Variants in MTX2 observed in about 807,000 individuals in gnomAD.
The protein encoded by MTX2 is metaxin-2.
Under a neutral mutation model 42.3 loss-of-function variants are expected in MTX2, and 35 were observed. The observed-to-expected ratio is 0.83, with a 90% CI of 0.63 to 1.10. MTX2 has a LOEUF of 1.10. MTX2 is among the 50% of genes least tolerant of loss of function. The pLI is 0.00. For synonymous variants in MTX2, 119 were observed against 100.9 expected, an observed-to-expected ratio of 1.18 and a Z score of -1.08; for missense variants, 307 against 304.1, an observed-to-expected ratio of 1.01 and a Z score of -0.07.
At chr2:176,326,421 G>A (rs1165366559) in intron 4 of MTX2, among the ~76,000 whole-genome samples, 2 of 151,628 alleles carry the variant, frequency 1.3e-5, no homozygotes, top group East Asian at 3.9e-4. Flanking sequence ...AATATAGATT[G>A]ATTCACTGTA....
intron 1 of MTX2, among the ~76,000 whole-genome samples, chr2:176,288,706 A>G (rs759220171): frequency 4.0e-5 from 6 of 151,846 alleles, no homozygotes; most frequent in Non-Finnish European, 7.4e-5. Flanking sequence ...GATTGGAAAT[A>G]TGACAGAACT....
At chr2:176,311,212 T>A (rs1411022071) in intron 3 of MTX2, among the ~76,000 whole-genome samples, 1 of 152,206 alleles carries the variant, frequency 6.6e-6, no homozygotes, top group Non-Finnish European at 1.5e-5. Flanking sequence ...CCTGTTTGCC[T>A]GGGTATCACC....
chr2:176,311,377 G>T (rs766778870), intron 3 of MTX2, among the ~76,000 whole-genome samples: 11 of 152,194 alleles, frequency 7.2e-5, no homozygotes, highest in Admixed American at 2.6e-4. Flanking sequence ...ACTTGAAGAG[G>T]CATTGTGTCT....
chr2:176,300,469 C>T (rs1179296221), intron 3 of MTX2, among the ~76,000 whole-genome samples: 1 of 152,042 alleles, frequency 6.6e-6, no homozygotes, highest in Non-Finnish European at 1.5e-5. Context: ...AGTTCAAAAT[C>T]TGATGTGTAT....
intron 3 of MTX2, 75 bp from the exon 4 acceptor site, chr2:176,323,317 A>G (rs1039420879): frequency 8.2e-7 from 1 of 1,222,542 alleles, no homozygotes; most frequent in African/African-American, 1.5e-5. Flanking sequence ...AGTTTAGAAA[A>G]GAAATGCATA....
intron 1 of MTX2, among the ~76,000 whole-genome samples, chr2:176,276,256 A>T (rs1320249534): frequency 1.3e-5 from 2 of 152,208 alleles, no homozygotes; most frequent in Admixed American, 1.3e-4. Flanking sequence ...AGATATATAC[A>T]TTTGATATGC....
chr2:176,281,728 A>G lies in MTX2; in HGVS notation c.40+12059A>G, dbSNP rs1693080915. Among the ~76,000 whole-genome samples the G allele has an allele frequency of 2.0e-5, 3 of 152,110 alleles. No individual in the cohort carries two copies. The South Asian group carries it at 6.2e-4, about 32-fold the overall frequency. ...GTTTTTCTTAGATCTGGGAACCGAG[A>G]AGGCACACACATGACTGAATAGAGG... On this transcript the variant is annotated intron_variant, in intron 1 of 9. Transcript: ENST00000249442.
intron 3 of MTX2, among the ~76,000 whole-genome samples, chr2:176,299,712 A>G (rs1426500979): frequency 2.0e-5 from 3 of 152,114 alleles, no homozygotes; most frequent in African/African-American, 7.2e-5. Context: ...ATTTTCTTCT[A>G]TATAGTGGGC....
intron 3 of MTX2, among the ~76,000 whole-genome samples, chr2:176,312,889 GAAAGA>G (rs1388823318): frequency 2.2e-5 from 3 of 138,878 alleles, no homozygotes; most frequent in Admixed American, 7.1e-5. Context: ...AAAAAAGAAA[GAAAGA>G]AAAGTACTTT....
chr2:176,328,824 CT>C, intron 6 of MTX2, 49 bp from the exon 7 acceptor site: 1 of 1,552,652 alleles, frequency 6.4e-7, no homozygotes, highest in Non-Finnish European at 8.8e-7. Context: ...TTTCTTTATC[CT>C]TTTCCTCTTT....
chr2:176,331,816 G>A (rs1210346225), intron 9 of MTX2, among the ~76,000 whole-genome samples: 1 of 151,152 alleles, frequency 6.6e-6, no homozygotes, highest in Non-Finnish European at 1.5e-5. Context: ...TTCTAACAGA[G>A]GAATTCTTAG....
At chr2:176,309,578 G>T (rs992854186) in intron 3 of MTX2, among the ~76,000 whole-genome samples, 14 of 152,240 alleles carry the variant, frequency 9.2e-5, no homozygotes, top group Middle Eastern at 3.4e-3. Context: ...GGGTGCTCTT[G>T]TATTGGGTGC....
At chr2:176,297,312 A>C (rs896668429) in intron 2 of MTX2, among the ~76,000 whole-genome samples, 4 of 152,142 alleles carry the variant, frequency 2.6e-5, no homozygotes, top group African/African-American at 9.7e-5. Context: ...ATATCATCAG[A>C]TCACATTATG....
chr2:176,327,074 A>T (rs1324806902), intron 5 of MTX2, among the ~76,000 whole-genome samples, 173 bp downstream of exon 5: 4 of 129,678 alleles, frequency 3.1e-5, no homozygotes, highest in African/African-American at 1.0e-4. Context: ...ATGGCAAAAG[A>T]GGTAGCTTTT....
chr2:176,279,152 T>C (rs936497839), intron 1 of MTX2, among the ~76,000 whole-genome samples: 1 of 152,176 alleles, frequency 6.6e-6, no homozygotes, highest in Non-Finnish European at 1.5e-5. Context: ...CTCTAAGAAC[T>C]TGTATAAGCC....
At chr2:176,319,487 G>A (rs1684524078) in intron 3 of MTX2, among the ~76,000 whole-genome samples, 1 of 139,036 alleles carries the variant, frequency 7.2e-6, no homozygotes, top group African/African-American at 2.7e-5. Flanking sequence ...TTTAATTATT[G>A]GACTCAAGCT....
intron 2 of MTX2, 137 bp from the exon 3 acceptor site, chr2:176,297,706 AAATTAT>A (rs1350239365): frequency 6.7e-5 from 27 of 402,614 alleles, no homozygotes; most frequent in African/African-American, 1.9e-4. Context: ...AATTTAATCA[AAATTAT>A]AATTATATAT....
At chr2:176,318,675 CTG>C (rs1419940515) in intron 3 of MTX2, among the ~76,000 whole-genome samples, 1 of 152,172 alleles carries the variant, frequency 6.6e-6, no homozygotes, top group South Asian at 2.1e-4. Flanking sequence ...TTTTTGGACA[CTG>C]TGCTATTATG....
chr2:176,281,547 T>C (rs6709357), intron 1 of MTX2, among the ~76,000 whole-genome samples: 40,466 of 152,042 alleles, frequency 0.27, 5,715 homozygotes, highest in African/African-American at 0.34. Context: ...TCTTTTATAA[T>C]CTACTCTCAA....
Sources: gnomAD v4.1 joint callset for allele counts (sites outside exome capture counted in the v4.1 genomes callset) on GRCh38, gnomAD v4.1.1 for gene constraint, MANE v1.5 for transcripts, NCBI Gene and HGNC (gene_info 2026-07-23, HGNC 2026-07-21) for gene names.